SORCS1: variants seen among roughly 807,000 people sequenced by gnomAD.
SORCS1 encodes sortilin related VPS10 domain containing receptor 1.
A neutral mutation model predicts 146.1 loss-of-function variants in SORCS1; 60 were observed. The ratio of observed to expected loss-of-function variants is 0.41; its 90% CI spans 0.33 to 0.51. The LOEUF is 0.51. Ranked by LOEUF, SORCS1 falls within the 20% of genes least tolerant of loss-of-function variation. The pLI, the probability that SORCS1 is intolerant of heterozygous loss-of-function variation, is 0.21. For synonymous variants in SORCS1, 637 were observed against 584.0 expected (o/e 1.09, Z -1.31); for missense variants, 1,352 against 1,487.6 (o/e 0.91, Z 1.50).
At chr10:106,738,771 C>T (rs1013855803) in intron 5 of SORCS1, among the ~76,000 whole-genome samples, 2 of 152,162 alleles carry the variant, frequency 1.3e-5, no homozygotes, top group Admixed American at 6.5e-5. Context: ...ATGGGAGGAT[C>T]GCTTGACTCC....
chr10:107,130,828 C>CA (rs1474190959), intron 1 of SORCS1, among the ~76,000 whole-genome samples: 3 of 151,374 alleles, frequency 2.0e-5, no homozygotes, highest in Admixed American at 2.0e-4. Flanking sequence ...TTTCAATGTA[C>CA]AATCCAGTTG....
chr10:107,160,745 G>A (rs928711781), intron 1 of SORCS1, among the ~76,000 whole-genome samples: 10 of 152,206 alleles, frequency 6.6e-5, no homozygotes, highest in East Asian at 3.9e-4. Flanking sequence ...ATTAACACCC[G>A]TCACCTACTT....
intron 2 of SORCS1, among the ~76,000 whole-genome samples, chr10:106,911,006 T>G (rs1156525440): frequency 6.6e-6 from 1 of 152,240 alleles, no homozygotes; most frequent in African/African-American, 2.4e-5. Context: ...CTATCCCATC[T>G]AGGTCTTATA....
rs1432542598 is a variant in SORCS1, at chr10:106,576,738, G to A, written c.*682C>T. On this transcript the variant is annotated 3_prime_UTR_variant, in exon 26 of 26. Coordinates refer to ENST00000263054, the MANE Select transcript of SORCS1 (RefSeq NM_052918.5). ...CAACAGAGCTACCAAAGCTAACTTA[G>A]AAGGGAAATGACAGTATGGAAAGTG... 1.3e-5 allele frequency: 2 copies of A among 153,960 alleles called. No individual in the cohort carries two copies. The highest frequency in any genetic ancestry group is 4.8e-5 in the African/African-American group (2 of 41,458). The allele number at this position is 153,960 out of a possible 1,614,324, so 9.5% of individuals were successfully genotyped here. A position where few individuals can be genotyped will look rare whatever the true frequency, so the allele number is the denominator to read the frequency against.
intron 2 of SORCS1, among the ~76,000 whole-genome samples, chr10:106,835,519 C>A (rs1357633149): frequency 6.6e-6 from 1 of 152,098 alleles, no homozygotes; most frequent in East Asian, 1.9e-4. Flanking sequence ...ATTCATAAAG[C>A]AATTACAACA....
intron 1 of SORCS1, among the ~76,000 whole-genome samples, chr10:107,048,651 A>C (rs1309484669): frequency 6.6e-6 from 1 of 152,180 alleles, no homozygotes; most frequent in East Asian, 1.9e-4. Context: ...TGACCTTCAG[A>C]GTTGAGCTAT....
chr10:106,632,324 T>C (rs1328677052), intron 18 of SORCS1, among the ~76,000 whole-genome samples: 1 of 152,170 alleles, frequency 6.6e-6, no homozygotes, highest in Non-Finnish European at 1.5e-5. Context: ...GTGAACAAAC[T>C]GGATTCCATG....
chr10:106,672,140 A>G (rs1851653360), intron 15 of SORCS1, among the ~76,000 whole-genome samples: 1 of 152,174 alleles, frequency 6.6e-6, no homozygotes, highest in Non-Finnish European at 1.5e-5. Context: ...TTCATTATAC[A>G]TCTACATTTA....
At chr10:106,715,312 G>C (rs936050247) in intron 6 of SORCS1, among the ~76,000 whole-genome samples, 2 of 152,204 alleles carry the variant, frequency 1.3e-5, no homozygotes, top group Non-Finnish European at 2.9e-5. Flanking sequence ...TGTTTTCCTT[G>C]CCATAGGTAA....
intron 1 of SORCS1, among the ~76,000 whole-genome samples, chr10:107,068,583 A>T (rs10884411): frequency 0.54 from 82,787 of 151,992 alleles, 23,998 homozygotes; most frequent in African/African-American, 0.72. Flanking sequence ...CTCACCATGA[A>T]CTGCCGAGCA....
chr10:106,586,547 G>C (rs988825140), intron 24 of SORCS1, among the ~76,000 whole-genome samples: 3 of 152,094 alleles, frequency 2.0e-5, no homozygotes, highest in Non-Finnish European at 4.4e-5. Context: ...CTGACCAAGA[G>C]TTTCCAGACA....
At chr10:107,079,992 T>G (rs1297091934) in intron 1 of SORCS1, among the ~76,000 whole-genome samples, 1 of 152,244 alleles carries the variant, frequency 6.6e-6, no homozygotes, top group Non-Finnish European at 1.5e-5. Flanking sequence ...ATTATGCTCA[T>G]GCAATCCAAA....
intron 16 of SORCS1, among the ~76,000 whole-genome samples, chr10:106,670,674 G>C (rs1473760938): frequency 6.6e-6 from 1 of 151,636 alleles, no homozygotes. Context: ...GCTGTTTGAA[G>C]CAGCACAGAA....
At chr10:106,862,958 CA>C (rs1426188017) in intron 2 of SORCS1, among the ~76,000 whole-genome samples, 2 of 152,052 alleles carry the variant, frequency 1.3e-5, no homozygotes, top group Non-Finnish European at 2.9e-5. Flanking sequence ...GTCAAATATG[CA>C]AAGGCACCTT....
rs151082785 is a variant in SORCS1, at chr10:106,952,285, C to T, written c.626+4228G>A. 5.1e-3 allele frequency among the ~76,000 whole-genome samples: 771 copies of T among 152,154 alleles called. 8 individuals are homozygous for T. Among genetic ancestry groups the T allele is most frequent in the African/African-American group, 0.017 (696 of 41,520 alleles). On this transcript the variant is annotated intron_variant, in intron 2 of 25. Transcript: ENST00000263054. ...TGACCAGAAGGGCTGAGATTGGATC[C>T]CTGGTGTTTTGGTAACAGTATGAGC...
At chr10:106,631,063 TATC>T (rs1392805626) in intron 18 of SORCS1, among the ~76,000 whole-genome samples, 6 of 152,194 alleles carry the variant, frequency 3.9e-5, no homozygotes, top group Admixed American at 3.9e-4. Flanking sequence ...GTTCATATGG[TATC>T]ATATTTTTTG....
At chr10:106,711,929 A>G (rs1055252632) in intron 6 of SORCS1, among the ~76,000 whole-genome samples, 2 of 152,212 alleles carry the variant, frequency 1.3e-5, no homozygotes, top group African/African-American at 4.8e-5. Flanking sequence ...TGGGGGTCAT[A>G]GAAACAATGG....
intron 5 of SORCS1, among the ~76,000 whole-genome samples, chr10:106,750,728 CAAAAAAAAAAAAAAAAAAAAAAA>C (rs572295853): frequency 4.2e-5 from 1 of 24,020 alleles, no homozygotes; most frequent in African/African-American, 1.5e-4. Context: ...GACTCCCTCT[CAAAAAAAAAAAAAAAAAAAAAAA>C]AAAAAAAAAA....
intron 1 of SORCS1, among the ~76,000 whole-genome samples, chr10:107,090,996 A>C (rs1964144275): frequency 6.6e-6 from 1 of 152,172 alleles, no homozygotes; most frequent in Non-Finnish European, 1.5e-5. Context: ...AGTGACCTAG[A>C]AGAGAGTAAA....
Sources: gnomAD v4.1 joint callset for allele counts (sites outside exome capture counted in the v4.1 genomes callset) on GRCh38, gnomAD v4.1.1 for gene constraint, MANE v1.5 for transcripts, NCBI Gene and HGNC (gene_info 2026-07-23, HGNC 2026-07-21) for gene names.